Variants in RNF150 observed in about 807,000 individuals in gnomAD.
RNF150 encodes ring finger protein 150.
Under a neutral mutation model 39.3 loss-of-function variants are expected in RNF150, and 24 were observed. The observed-to-expected ratio is 0.61, with a 90% CI of 0.44 to 0.86. The LOEUF (loss-of-function observed/expected upper bound fraction) is 0.86, where lower values mean the gene tolerates loss of function less well. Ranked by LOEUF, RNF150 falls within the 40% of genes least tolerant of loss-of-function variation. RNF150 has a pLI of 0.00. For synonymous variants in RNF150, 255 were observed against 227.3 expected (o/e 1.12, Z -1.10); for missense variants, 502 against 587.8 (o/e 0.85, Z 1.51).
intron 1 of RNF150, among the ~76,000 whole-genome samples, chr4:141,160,820 G>A (rs1211284900): frequency 6.6e-6 from 1 of 152,224 alleles, no homozygotes; most frequent in Non-Finnish European, 1.5e-5. Context: ...AGCCTCCCCA[G>A]GAGCTGAGCA....
intron 1 of RNF150, among the ~76,000 whole-genome samples, chr4:140,972,388 T>C (rs949044686): frequency 6.6e-6 from 1 of 152,168 alleles, no homozygotes; most frequent in African/African-American, 2.4e-5. Flanking sequence ...AAAAACTTCA[T>C]GACCAAGTGG....
intron 4 of RNF150, among the ~76,000 whole-genome samples, chr4:140,946,097 G>A (rs559095495): frequency 1.2e-4 from 18 of 152,304 alleles, no homozygotes; most frequent in African/African-American, 4.3e-4. Flanking sequence ...CAAATCTTCA[G>A]TTATCTCTAT....
intron 1 of RNF150, among the ~76,000 whole-genome samples, chr4:141,100,155 T>C (rs533189728): frequency 2.8e-4 from 43 of 152,330 alleles, no homozygotes; most frequent in Non-Finnish European, 4.4e-4. Context: ...TCCCACTTGA[T>C]ACCCAGATTT....
chr4:140,922,663 T>A (rs1346019418), intron 5 of RNF150, among the ~76,000 whole-genome samples: 1 of 151,538 alleles, frequency 6.6e-6, no homozygotes, highest in Non-Finnish European at 1.5e-5. Flanking sequence ...CATTGCCAAG[T>A]CAATCCTAAG....
chr4:140,932,374 A>G (rs1160934712), intron 4 of RNF150, among the ~76,000 whole-genome samples: 1 of 152,222 alleles, frequency 6.6e-6, no homozygotes, highest in Non-Finnish European at 1.5e-5. Flanking sequence ...TACATACATA[A>G]TTAAATCACA....
chr4:141,197,282 A>G (rs1728216154), intron 1 of RNF150, among the ~76,000 whole-genome samples: 1 of 152,200 alleles, frequency 6.6e-6, no homozygotes, highest in African/African-American at 2.4e-5. Context: ...TTATGCAATA[A>G]CAAATTTAGT....
rs1319762576 is a variant in RNF150 at position 140,925,958 on chromosome 4, T to C, written c.987+19A>G. 9 of 1,538,158 alleles carry C rather than the reference T, an allele frequency of 5.9e-6. No homozygotes were observed. The East Asian group carries it at 2.0e-4, about 35-fold the overall frequency. On this transcript the variant is annotated intron_variant, in intron 5 of 6. Transcript: ENST00000515673. ...CAGAAAGACAGACATTATAATGCTG[T>C]AGGCTGTGCTGTGCTTACCGGGATC...
intron 1 of RNF150, among the ~76,000 whole-genome samples, chr4:141,068,462 C>A (rs1480794644): frequency 3.3e-5 from 5 of 152,056 alleles, no homozygotes; most frequent in African/African-American, 7.2e-5. Flanking sequence ...GTTACTGTAG[C>A]CTTGTAGTAT....
At chr4:141,036,263 A>G (rs1169660782) in intron 1 of RNF150, among the ~76,000 whole-genome samples, 1 of 152,152 alleles carries the variant, frequency 6.6e-6, no homozygotes, top group Non-Finnish European at 1.5e-5. Context: ...TTGGGCCTAT[A>G]ATAGGTACTT....
intron 1 of RNF150, among the ~76,000 whole-genome samples, chr4:141,008,531 G>A (rs1167194326): frequency 7.2e-5 from 11 of 152,152 alleles, no homozygotes. Flanking sequence ...TCTTCTAAAA[G>A]TTTGATTGTT....
chr4:140,925,219 C>G (rs1731344253), intron 5 of RNF150, among the ~76,000 whole-genome samples: 1 of 152,184 alleles, frequency 6.6e-6, no homozygotes, highest in South Asian at 2.1e-4. Context: ...GCTTCCTGCC[C>G]TCATTGCTGA....
At chr4:140,923,252 A>G (rs1204649091) in intron 5 of RNF150, among the ~76,000 whole-genome samples, 3 of 152,188 alleles carry the variant, frequency 2.0e-5, no homozygotes, top group Non-Finnish European at 2.9e-5. Flanking sequence ...AGAATCTACA[A>G]TGAACTCAAA....
chr4:140,947,879 A>T (rs140103417), intron 3 of RNF150, 143 bp from the exon 4 acceptor site: 2 of 554,290 alleles, frequency 3.6e-6, no homozygotes, highest in Admixed American at 8.4e-5. Context: ...TGTACCATCA[A>T]TTGGACTAGT....
rs532951554 is a variant in RNF150, at chr4:141,115,402, A to G, written c.484+16923T>C. Among the ~76,000 whole-genome samples the G allele has an allele frequency of 9.2e-5, 14 of 152,344 alleles. No individual in the cohort carries two copies. The South Asian group carries it at 2.9e-3, about 32-fold the overall frequency. On this transcript the variant is annotated intron_variant, in intron 1 of 6. Transcript: ENST00000515673. ...AAACTCCCATTCACAATTGCTACAA[A>G]GAGAATAAAATACCTAAGAATACAA... is the stretch of plus-strand genomic sequence containing the variant.
At chr4:140,970,632 C>T (rs1733429007) in intron 1 of RNF150, among the ~76,000 whole-genome samples, 1 of 152,118 alleles carries the variant, frequency 6.6e-6, no homozygotes, top group African/African-American at 2.4e-5. Flanking sequence ...ACTCATCATC[C>T]ATTTTCAGGG....
At chr4:141,176,858 GATA>G (rs147618624) in intron 1 of RNF150, among the ~76,000 whole-genome samples, 1,869 of 152,126 alleles carry the variant, frequency 0.012, 39 homozygotes, top group African/African-American at 0.042. Context: ...TCACAAAAGG[GATA>G]ATATCATAGA....
chr4:141,105,401 T>C (rs1282063340), intron 1 of RNF150, among the ~76,000 whole-genome samples: 3 of 152,222 alleles, frequency 2.0e-5, no homozygotes, highest in Admixed American at 6.5e-5. Context: ...TCAGCAGCAC[T>C]GGCACTGTAA....
chr4:140,998,204 T>C (rs1389803693), intron 1 of RNF150, among the ~76,000 whole-genome samples: 2 of 152,242 alleles, frequency 1.3e-5, no homozygotes, highest in Non-Finnish European at 2.9e-5. Context: ...TTATTGACCA[T>C]ATTGTGTTCC....
At chr4:140,922,916 T>C (rs1050332064) in intron 5 of RNF150, among the ~76,000 whole-genome samples, 1 of 150,880 alleles carries the variant, frequency 6.6e-6, no homozygotes, top group South Asian at 2.1e-4. Flanking sequence ...TGGCTAGACA[T>C]ATGTAGAAAG....
Sources: allele counts gnomAD v4.1 joint callset (sites outside exome capture counted in the v4.1 genomes callset), GRCh38; gene constraint gnomAD v4.1.1; transcripts MANE v1.5; gene names NCBI Gene and HGNC (gene_info 2026-07-23, HGNC 2026-07-21).